Variants in ULBP2 observed in about 807,000 individuals in gnomAD.
ULBP2 encodes UL16 binding protein 2.
In ULBP2, 21 loss-of-function variants were observed where a neutral mutation model predicts 23.6. The observed-to-expected ratio is 0.89, with a 90% CI of 0.63 to 1.28. The LOEUF (loss-of-function observed/expected upper bound fraction) is 1.28. Ranked by LOEUF, ULBP2 falls within the 50% of genes most tolerant of loss-of-function variation. ULBP2 has a pLI of 0.00. For missense variants in ULBP2, 251 were observed against 306.0 expected, an observed-to-expected ratio of 0.82 and a Z score of 1.34; for synonymous variants, 82 against 112.8, an observed-to-expected ratio of 0.73 and a Z score of 1.73.
Position 149,948,988 on chromosome 6 carries a change from A to G in ULBP2, c.*288A>G, listed in dbSNP as rs1159832088. The G allele has an allele frequency of 1.3e-5, 3 of 236,370 alleles. No homozygotes were observed. The highest frequency in any genetic ancestry group is 2.6e-5 in the Non-Finnish European group (3 of 117,140). The allele number at this position is 236,370 out of a possible 1,614,324, so 14.6% of individuals were successfully genotyped here. ...AAAGTTCTGGCTGACTAAACAAGATATATCATTTTCTTTCTTCTCTTTTTG... is the reference window on the plus strand; with the variant it reads ...AAAGTTCTGGCTGACTAAACAAGATGTATCATTTTCTTTCTTCTCTTTTTG... On this transcript the variant is annotated 3_prime_UTR_variant, in exon 5 of 5. Transcript: ENST00000367351.
At chr6:149,947,264 G>T (rs1003682778) in intron 3 of ULBP2, 56 bp from the exon 4 acceptor site, 34 of 1,287,644 alleles carry the variant, frequency 2.6e-5, no homozygotes, top group Non-Finnish European at 3.6e-5. Context: ...CTGAGGAGGT[G>T]TCTCCTCAGA....
chr6:149,945,674 G>T, intron 2 of ULBP2, 102 bp downstream of exon 2: 11 of 1,601,148 alleles, frequency 6.9e-6, no homozygotes, highest in Non-Finnish European at 9.4e-6. Context: ...TGGGCACGGT[G>T]GCTCACGCCT....
intron 1 of ULBP2, among the ~76,000 whole-genome samples, chr6:149,942,591 T>C (rs1189483194): frequency 1.3e-5 from 2 of 152,044 alleles, no homozygotes; most frequent in African/African-American, 4.8e-5. Context: ...TCACCCGCTC[T>C]CCACCACACA....
At chr6:149,943,562 C>T (rs957723482) in intron 1 of ULBP2, among the ~76,000 whole-genome samples, 3 of 152,164 alleles carry the variant, frequency 2.0e-5, no homozygotes, top group Admixed American at 1.3e-4. Context: ...GAACCACCTG[C>T]GTCTTCTCAC....
intron 1 of ULBP2, among the ~76,000 whole-genome samples, chr6:149,944,590 G>A (rs1778907737): frequency 7.7e-6 from 1 of 129,756 alleles, no homozygotes; most frequent in South Asian, 2.7e-4. Context: ...TTTATATGCT[G>A]GGTAAACAGG....
intron 1 of ULBP2, among the ~76,000 whole-genome samples, chr6:149,942,421 T>C (rs1460728953): frequency 2.6e-5 from 4 of 151,522 alleles, no homozygotes; most frequent in African/African-American, 7.3e-5. Context: ...GAGAGCGAGG[T>C]GGGGCGGGGA....
chr6:149,942,403 G>A (rs1347571526), intron 1 of ULBP2, among the ~76,000 whole-genome samples: 6 of 152,180 alleles, frequency 3.9e-5, no homozygotes, highest in Admixed American at 6.5e-5. Context: ...AGGGGCCGGA[G>A]GGCTGCAGAG....
chr6:149,942,176 C>A lies in ULBP2; in HGVS notation c.85+19C>A. On this transcript the variant is annotated intron_variant, in intron 1 of 4. Coordinates refer to ENST00000367351, the MANE Select transcript of ULBP2 (RefSeq NM_025217.4). The stretch of plus-strand genomic sequence containing the variant: ...CGAGCCGGTGAGTTCGTGGATGGAG[C>A]CTAAGCCGGGCGGGGACCAAGCCTG... 1 of 1,610,732 alleles carries A rather than the reference C, an allele frequency of 6.2e-7. No homozygotes were observed. The highest frequency in any genetic ancestry group is 8.5e-7 in the Non-Finnish European group (1 of 1,178,700).
intron 3 of ULBP2, 155 bp downstream of exon 3, chr6:149,946,808 C>G: frequency 7.8e-7 from 1 of 1,285,130 alleles, no homozygotes; most frequent in East Asian, 2.4e-5. Flanking sequence ...ACTGGCATGC[C>G]TGTGCTCTCC....
intron 3 of ULBP2, 152 bp downstream of exon 3, chr6:149,946,805 T>G: frequency 7.5e-7 from 1 of 1,332,010 alleles, no homozygotes; most frequent in Non-Finnish European, 1.0e-6. Context: ...GTTACTGGCA[T>G]GCCTGTGCTC....
intron 1 of ULBP2, among the ~76,000 whole-genome samples, chr6:149,943,793 G>A (rs1778898181): frequency 6.6e-6 from 1 of 152,102 alleles, no homozygotes; most frequent in Non-Finnish European, 1.5e-5. Flanking sequence ...GAGTGGCATT[G>A]CCTTGTCTCT....
chr6:149,943,985 G>T (rs1415687096), intron 1 of ULBP2, among the ~76,000 whole-genome samples: 1 of 151,964 alleles, frequency 6.6e-6, no homozygotes, highest in Non-Finnish European at 1.5e-5. Context: ...AGTTACAATG[G>T]AGAATATATT....
Position 149,946,608 on chromosome 6 carries a change from G to A in ULBP2, c.586G>A (p.Asp196Asn), listed in dbSNP as rs775788013. 6.2e-7 allele frequency: 1 copy of A among 1,614,172 alleles called. No individual in the cohort carries two copies. Among genetic ancestry groups the A allele is most frequent in the Non-Finnish European group, 8.5e-7 (1 of 1,180,040 alleles). The change falls in exon 3 of 5, where the codon GAC becomes AAC. Residue 196 changes from aspartate to asparagine, a missense_variant. Coordinates refer to ENST00000367351, the MANE Select transcript of ULBP2 (RefSeq NM_025217.4). ...SMGDCIGWLE[D>N]FLMGMDSTLE... The stretch of plus-strand genomic sequence containing the variant: ...GGGAGACTGTATAGGATGGCTTGAG[G>A]ACTTCTTGATGGGCATGGACAGCAC...
At chr6:149,946,209 A>AC (rs1281374218) in intron 2 of ULBP2, among the ~76,000 whole-genome samples, 163 bp from the exon 3 acceptor site, 1 of 149,300 alleles carries the variant, frequency 6.7e-6, no homozygotes, top group Non-Finnish European at 1.5e-5. Flanking sequence ...CCTTTCTCAA[A>AC]AAAAAAAAAA....
At position 149,948,794 on chromosome 6, in the gene ULBP2, C is replaced by T. The variant is rs1220167637; in HGVS notation, c.*94C>T. The T allele has an allele frequency of 4.4e-6, 2 of 456,708 alleles. No individual in the cohort carries two copies. The highest frequency in any genetic ancestry group is 1.5e-5 in the South Asian group (1 of 64,566). 28.3% of individuals were successfully genotyped at this position (456,708 alleles called of 1,614,324 possible). On this transcript the variant is annotated 3_prime_UTR_variant, in exon 5 of 5. Coordinates refer to ENST00000367351, the MANE Select transcript of ULBP2 (RefSeq NM_025217.4). Reference sequence around the variant, plus strand: ...ACTCGCCCTTCTGTCTGGCCAGCTGCCCACGACCTACGGTGTATGTCCAGT... The same window carrying T: ...ACTCGCCCTTCTGTCTGGCCAGCTGTCCACGACCTACGGTGTATGTCCAGT...
intron 1 of ULBP2, among the ~76,000 whole-genome samples, chr6:149,942,632 C>G (rs1488215051): frequency 6.6e-6 from 1 of 151,196 alleles, no homozygotes. Flanking sequence ...GCTGCGTGCC[C>G]TTGAATTTTT....
rs575307460 is a variant in ULBP2 at position 149,942,377 on chromosome 6, G to A, written c.85+220G>A. 3.6e-3 allele frequency among the ~76,000 whole-genome samples: 551 copies of A among 152,316 alleles called. 2 individuals are homozygous for A. The highest frequency in any genetic ancestry group is 0.013 in the African/African-American group (530 of 41,570). ...CGAAAAGGAGCGGGGTGGAAAGGAG[G>A]CTGGCAGGAGGGTGGAGGGGCCGGA... On this transcript the variant is annotated intron_variant, in intron 1 of 4. Transcript: ENST00000367351.
chr6:149,946,591 G>A lies in ULBP2; in HGVS notation c.569G>A (p.Cys190Tyr), dbSNP rs1167786254. 1.9e-6 allele frequency: 3 copies of A among 1,614,214 alleles called. No homozygotes were observed. The highest frequency in any genetic ancestry group is 1.7e-5 in the Admixed American group (1 of 60,034). ...MSFHYFSMGD[C>Y]IGWLEDFLMG... ...TTCCATTACTTCTCAATGGGAGACTGTATAGGATGGCTTGAGGACTTCTTG... is the reference window on the plus strand; with the variant it reads ...TTCCATTACTTCTCAATGGGAGACTATATAGGATGGCTTGAGGACTTCTTG... Residue 190 changes from cysteine (C) to tyrosine (Y), a missense_variant, in exon 3 of 5, where the codon TGT becomes TAT. Cys to Tyr is a radical substitution (Grantham distance 194). Coordinates refer to ENST00000367351, the MANE Select transcript of ULBP2 (RefSeq NM_025217.4).
In ULBP2 at chr6:149,946,206, C is replaced by CAAA. The variant is rs67763917; in HGVS notation, c.350-152_350-150dup. On this transcript the variant is annotated intron_variant, in intron 2 of 4. Transcript: ENST00000367351. The stretch of plus-strand genomic sequence containing the variant: ...TGGGTGACAGAGCGAGACCCTTTCT[C>CAAA]AAAAAAAAAAAAAAAATACAAATGG... 9.1e-3 allele frequency among the ~76,000 whole-genome samples: 1,148 copies of CAAA among 126,196 alleles called. 12 individuals are homozygous for CAAA. The highest frequency in any genetic ancestry group is 0.056 in the East Asian group (245 of 4,366). 82.8% of individuals were successfully genotyped at this position (126,196 alleles called of 152,430 possible). A position where few individuals can be genotyped will look rare whatever the true frequency, so the allele number is the denominator to read the frequency against.
Sources: allele counts gnomAD v4.1 joint callset (sites outside exome capture counted in the v4.1 genomes callset), GRCh38; gene constraint gnomAD v4.1.1; transcripts MANE v1.5; gene names NCBI Gene and HGNC (gene_info 2026-07-23, HGNC 2026-07-21).